SGCZ: variants seen among roughly 807,000 people sequenced by gnomAD.
SGCZ encodes the protein sarcoglycan zeta, also known as zeta-sarcoglycan.
Under a neutral mutation model 41.3 loss-of-function variants are expected in SGCZ, and 40 were observed. The ratio of observed to expected loss-of-function variants is 0.97; its 90% confidence interval spans 0.75 to 1.26. The LOEUF (loss-of-function observed/expected upper bound fraction) is 1.26. Among genes scored for constraint, SGCZ ranks in the 50% most tolerant of loss-of-function variants. SGCZ has a pLI of 0.00. For synonymous variants in SGCZ, 206 were observed against 137.5 expected, an observed-to-expected ratio of 1.50 and a Z score of -3.49; for missense variants, 552 against 369.8, an observed-to-expected ratio of 1.49 and a Z score of -4.04.
At chr8:14,849,885 G>C (rs1803255006) in intron 1 of SGCZ, among the ~76,000 whole-genome samples, 1 of 152,042 alleles carries the variant, frequency 6.6e-6, no homozygotes, top group Non-Finnish European at 1.5e-5. Flanking sequence ...TTTAAATTAG[G>C]CACTTTTTAA....
intron 5 of SGCZ, among the ~76,000 whole-genome samples, chr8:14,164,026 T>A (rs1276259063): frequency 6.6e-6 from 1 of 152,184 alleles, no homozygotes; most frequent in Non-Finnish European, 1.5e-5. Flanking sequence ...TTTTACCTTT[T>A]TTAAAATTTT....
At chr8:15,122,539 G>C (rs1162636084) in intron 1 of SGCZ, among the ~76,000 whole-genome samples, 1 of 152,064 alleles carries the variant, frequency 6.6e-6, no homozygotes, top group Non-Finnish European at 1.5e-5. Context: ...GACGGTTGAA[G>C]ATTTATATAT....
chr8:15,102,245 T>C (rs146012194), intron 1 of SGCZ, among the ~76,000 whole-genome samples: 55 of 152,326 alleles, frequency 3.6e-4, no homozygotes, highest in African/African-American at 1.3e-3. Context: ...TTCCAAGCCA[T>C]GGAAGGTCAT....
At position 14,476,566 on chromosome 8, in the gene SGCZ, T is replaced by A. The variant is rs529354762; in HGVS notation, c.234+78166A>T. ...ATGCCACATTTCTCTCTCTAACTCT[T>A]GAGAGGACATCTGCTTATCTATGGC... On this transcript the variant is annotated intron_variant, in intron 2 of 7. Coordinates refer to ENST00000382080, the MANE Select transcript of SGCZ (RefSeq NM_139167.4). 2.0e-5 allele frequency among the ~76,000 whole-genome samples: 3 copies of A among 152,254 alleles called. No homozygotes were observed. In the South Asian group the frequency reaches 6.2e-4, roughly 32 times the overall value.
chr8:14,335,479 A>G (rs900363043), intron 2 of SGCZ, among the ~76,000 whole-genome samples: 1 of 152,082 alleles, frequency 6.6e-6, no homozygotes, highest in African/African-American at 2.4e-5. Context: ...TTTGGAAAAT[A>G]TGTAATATTA....
At chr8:14,920,455 A>G (rs933902582) in intron 1 of SGCZ, among the ~76,000 whole-genome samples, 1 of 152,210 alleles carries the variant, frequency 6.6e-6, no homozygotes, top group Non-Finnish European at 1.5e-5. Context: ...GAAATGTTTA[A>G]TGGAGTTGGG....
chr8:14,462,462 C>A (rs1401922081), intron 2 of SGCZ, among the ~76,000 whole-genome samples: 1 of 151,932 alleles, frequency 6.6e-6, no homozygotes, highest in Non-Finnish European at 1.5e-5. Context: ...GTCTTTTCAT[C>A]TTGCATAACT....
rs574451546 is a variant in SGCZ, at chr8:14,954,518, C to T, written c.39+283067G>A. 5.3e-5 allele frequency among the ~76,000 whole-genome samples: 8 copies of T among 152,210 alleles called. No individual in the cohort carries two copies. The East Asian group carries it at 7.7e-4, about 15-fold the overall frequency. ...GCAAAGTTATGTAATGCAGCTTCCA[C>T]GATTGCATTACACAAAATTATAACT... On this transcript the variant is annotated intron_variant, in intron 1 of 7. Transcript: ENST00000382080.
At chr8:14,171,947 A>G (rs1032464783) in intron 4 of SGCZ, among the ~76,000 whole-genome samples, 11 of 152,180 alleles carry the variant, frequency 7.2e-5, no homozygotes, top group African/African-American at 2.7e-4. Flanking sequence ...ATCCTATTAT[A>G]TAACTGTTTC....
intron 1 of SGCZ, among the ~76,000 whole-genome samples, chr8:14,991,978 A>C (rs1467731409): frequency 1.4e-5 from 2 of 143,942 alleles, no homozygotes; most frequent in African/African-American, 5.2e-5. Context: ...TACTCCCAAA[A>C]CTAGTATTGC....
At chr8:14,541,920 A>C (rs1011391440) in intron 2 of SGCZ, among the ~76,000 whole-genome samples, 1 of 152,100 alleles carries the variant, frequency 6.6e-6, no homozygotes, top group Non-Finnish European at 1.5e-5. Context: ...TTGGCCACAA[A>C]TATGTCTTCT....
chr8:14,816,605 G>C (rs1801908889), intron 1 of SGCZ, among the ~76,000 whole-genome samples: 1 of 152,134 alleles, frequency 6.6e-6, no homozygotes, highest in Non-Finnish European at 1.5e-5. Flanking sequence ...TAATTTCTCA[G>C]TTATACTAAG....
chr8:14,315,629 A>T (rs73531394), intron 3 of SGCZ, among the ~76,000 whole-genome samples: 2,064 of 152,214 alleles, frequency 0.014, 53 homozygotes, highest in African/African-American at 0.046. Context: ...ATATTATTAG[A>T]CACATGAGAT....
At chr8:14,586,458 C>A (rs139438314) in intron 1 of SGCZ, among the ~76,000 whole-genome samples, 172 of 152,298 alleles carry the variant, frequency 1.1e-3, no homozygotes, top group Admixed American at 2.1e-3. Context: ...AGCAATCTGC[C>A]CGCCTAGGCT....
chr8:14,372,258 T>G (rs1272407997), intron 2 of SGCZ, among the ~76,000 whole-genome samples: 1 of 152,216 alleles, frequency 6.6e-6, no homozygotes, highest in Non-Finnish European at 1.5e-5. Flanking sequence ...AGTCTCTTAG[T>G]AACGACCTTG....
At chr8:14,906,166 C>T (rs1436082223) in intron 1 of SGCZ, among the ~76,000 whole-genome samples, 3 of 152,032 alleles carry the variant, frequency 2.0e-5, no homozygotes, top group Non-Finnish European at 4.4e-5. Context: ...GATTAACTCT[C>T]TAGGACACAT....
At chr8:15,166,807 G>C (rs778960826) in intron 1 of SGCZ, among the ~76,000 whole-genome samples, 16 of 152,120 alleles carry the variant, frequency 1.1e-4, no homozygotes, top group Non-Finnish European at 1.8e-4. Flanking sequence ...TTTATAATGA[G>C]TTATAGAACA....
chr8:15,228,210 T>A (rs1427812897), intron 1 of SGCZ, among the ~76,000 whole-genome samples: 1 of 152,220 alleles, frequency 6.6e-6, no homozygotes, highest in East Asian at 1.9e-4. Context: ...GTATTGTAAT[T>A]GGACTCAGAA....
intron 1 of SGCZ, among the ~76,000 whole-genome samples, chr8:14,702,804 G>GATTTATTT (rs1809188077): frequency 7.2e-6 from 1 of 139,220 alleles, no homozygotes; most frequent in Non-Finnish European, 1.6e-5. Context: ...CAGACAGGTA[G>GATTTATTT]GTAGTTAGGT....
Sources: gnomAD v4.1 joint callset for allele counts (sites outside exome capture counted in the v4.1 genomes callset) on GRCh38, gnomAD v4.1.1 for gene constraint, MANE v1.5 for transcripts, NCBI Gene and HGNC (gene_info 2026-07-23, HGNC 2026-07-21) for gene names.